NSUN6: variants seen among roughly 807,000 people sequenced by gnomAD.
NSUN6 encodes the protein NOP2/Sun RNA methyltransferase 6, also known as tRNA (cytosine(72)-C(5))-methyltransferase NSUN6.
NSUN6 carries 64 observed loss-of-function variants against 58.0 expected under a neutral mutation model. The observed-to-expected ratio is 1.10, with a 90% CI of 0.90 to 1.36. NSUN6 has a LOEUF of 1.36. NSUN6 is among the 40% of genes most tolerant of loss of function. The probability of loss-of-function intolerance (pLI) is 0.00; values close to 1 mark genes in which losing one functional copy is unlikely to be tolerated. For synonymous variants in NSUN6, 231 were observed against 193.9 expected (o/e 1.19, Z -1.59); for missense variants, 701 against 550.1 (o/e 1.27, Z -2.74).
Position 18,592,554 on chromosome 10 carries a change from A to G in NSUN6, c.777+3654T>C, listed in dbSNP as rs370068829. ...ATGTAACAGAACAGAGACCTCAGAA[A>G]TAACAACACACATCTACAACCATCA... On this transcript the variant is annotated intron_variant, in intron 7 of 10. Coordinates refer to ENST00000377304, the MANE Select transcript of NSUN6 (RefSeq NM_182543.5). Among the ~76,000 whole-genome samples, 17 of 152,326 alleles carry G rather than the reference A, an allele frequency of 1.1e-4. No individual in the cohort carries two copies. In the East Asian group the frequency reaches 2.1e-3, roughly 19 times the overall value.
chr10:18,564,536 T>C (rs2055779168), intron 8 of NSUN6, among the ~76,000 whole-genome samples: 1 of 150,894 alleles, frequency 6.6e-6, no homozygotes, highest in African/African-American at 2.4e-5. Context: ...CATTCCCCAT[T>C]CCATTGTCCA....
chr10:18,562,071 T>A (rs2055555675), intron 8 of NSUN6, among the ~76,000 whole-genome samples: 1 of 146,380 alleles, frequency 6.8e-6, no homozygotes, highest in African/African-American at 2.6e-5. Flanking sequence ...GAGCATGAAA[T>A]GGAATGAAGT....
chr10:18,610,541 T>C (rs1247217710), intron 5 of NSUN6, among the ~76,000 whole-genome samples: 1 of 152,192 alleles, frequency 6.6e-6, no homozygotes, highest in Non-Finnish European at 1.5e-5. Flanking sequence ...ACCTCATTCT[T>C]TACTACTTCC....
intron 1 of NSUN6, among the ~76,000 whole-genome samples, chr10:18,650,468 C>T (rs530441278): frequency 6.6e-6 from 1 of 152,308 alleles, no homozygotes; most frequent in South Asian, 2.1e-4. Flanking sequence ...TTTAACCATT[C>T]TCAATTTTTC....
intron 3 of NSUN6, among the ~76,000 whole-genome samples, chr10:18,624,675 G>A (rs915699049): frequency 7.7e-5 from 11 of 142,680 alleles, no homozygotes; most frequent in African/African-American, 1.8e-4. Flanking sequence ...GAACGAATGC[G>A]GAAGAAAAAG....
intron 8 of NSUN6, among the ~76,000 whole-genome samples, chr10:18,581,369 C>T (rs765519827): frequency 3.9e-5 from 6 of 152,078 alleles, no homozygotes; most frequent in East Asian, 1.9e-4. Context: ...ACAAAGATGG[C>T]GATGAAAGTG....
intron 8 of NSUN6, among the ~76,000 whole-genome samples, chr10:18,560,541 G>A (rs564203133): frequency 9.5e-4 from 142 of 150,090 alleles, no homozygotes; most frequent in African/African-American, 3.3e-3. Flanking sequence ...AATGGAATAC[G>A]GAATGGAATG....
At chr10:18,585,061 A>C (rs1423533428) in intron 8 of NSUN6, among the ~76,000 whole-genome samples, 1 of 152,140 alleles carries the variant, frequency 6.6e-6, no homozygotes, top group African/African-American at 2.4e-5. Flanking sequence ...TTTATGAAAG[A>C]ATGCCCAATA....
At chr10:18,556,474 T>C (rs1347396360) in intron 8 of NSUN6, among the ~76,000 whole-genome samples, 1 of 148,256 alleles carries the variant, frequency 6.7e-6, no homozygotes, top group Non-Finnish European at 1.5e-5. Context: ...GAGAATGGAA[T>C]GGAATGGAAT....
rs760772531 is a variant in NSUN6, at chr10:18,616,200, A to C, written c.405T>G (p.Ile135Met). 6.3e-7 allele frequency: 1 copy of C among 1,575,448 alleles called. No homozygotes were observed. Among genetic ancestry groups the C allele is most frequent in the Non-Finnish European group, 8.7e-7 (1 of 1,145,010 alleles). The stretch of plus-strand genomic sequence containing the variant: ...TATACTTACATTGTGATGCTGACAC[A>C]ATTCCTGGGGCATAGACATGGGCTC... The part of the protein sequence containing the change: ...LRGAHVYAPG[I>M]VSASQFMKAG... Residue 135 changes from isoleucine (I) to methionine (M), a missense_variant, in exon 4 of 11, where the codon ATT (isoleucine) becomes ATG (methionine). Coordinates refer to ENST00000377304, the MANE Select transcript of NSUN6 (RefSeq NM_182543.5).
intron 2 of NSUN6, among the ~76,000 whole-genome samples, chr10:18,645,798 T>C (rs1280259710): frequency 1.3e-5 from 2 of 152,194 alleles, no homozygotes; most frequent in African/African-American, 2.4e-5. Context: ...ATACCACCAA[T>C]GTTCCAAAGA....
chr10:18,581,752 G>T (rs2056913774), intron 8 of NSUN6, among the ~76,000 whole-genome samples: 1 of 151,852 alleles, frequency 6.6e-6, no homozygotes, highest in African/African-American at 2.4e-5. Flanking sequence ...CTTGAACCCG[G>T]GAGGCGGAGG....
intron 3 of NSUN6, among the ~76,000 whole-genome samples, chr10:18,637,761 T>A (rs979928435): frequency 1.3e-5 from 2 of 152,216 alleles, no homozygotes; most frequent in African/African-American, 4.8e-5. Flanking sequence ...AGCTAAATGA[T>A]AAAACATACT....
intron 6 of NSUN6, among the ~76,000 whole-genome samples, chr10:18,601,908 G>C (rs1041023195): frequency 1.3e-5 from 2 of 151,174 alleles, no homozygotes; most frequent in Non-Finnish European, 1.5e-5. Context: ...CGGAGGCAGA[G>C]ATTGCAGTAA....
intron 3 of NSUN6, among the ~76,000 whole-genome samples, chr10:18,619,388 T>C (rs2058521535): frequency 6.6e-6 from 1 of 152,234 alleles, no homozygotes; most frequent in African/African-American, 2.4e-5. Flanking sequence ...GACCTACTTT[T>C]AATTACTGCC....
At chr10:18,566,352 A>ATCCATTCCACTCCACATTCCATTCCATTC (rs2055942397) in intron 8 of NSUN6, among the ~76,000 whole-genome samples, 1 of 107,042 alleles carries the variant, frequency 9.3e-6, no homozygotes. Flanking sequence ...CCATTCCGCA[A>ATCCATTCCACTCCACATTCCATTCCATTC]TCCATTCCAC....
chr10:18,601,458 G>C (rs144904617), intron 6 of NSUN6, among the ~76,000 whole-genome samples: 127 of 152,202 alleles, frequency 8.3e-4, no homozygotes, highest in African/African-American at 2.8e-3. Context: ...GAGTGTTTCA[G>C]TGTATGTTCA....
chr10:18,623,891 C>A lies in NSUN6; in HGVS notation c.312-7598G>T, dbSNP rs541980515. On this transcript the variant is annotated intron_variant, in intron 3 of 10. Coordinates refer to ENST00000377304, the MANE Select transcript of NSUN6 (RefSeq NM_182543.5). Reference sequence around the variant, plus strand: ...CAGCAGAGAAGATTTGCAGTACTTCCCAGAAAACTTATCTGACTAGTCCCA... The same window carrying A: ...CAGCAGAGAAGATTTGCAGTACTTCACAGAAAACTTATCTGACTAGTCCCA... Among the ~76,000 whole-genome samples the A allele has an allele frequency of 3.3e-5, 5 of 152,206 alleles. No homozygotes were observed. In the South Asian group the frequency reaches 1.0e-3, roughly 32 times the overall value.
At chr10:18,623,090 C>A (rs1355493141) in intron 3 of NSUN6, among the ~76,000 whole-genome samples, 1 of 152,034 alleles carries the variant, frequency 6.6e-6, no homozygotes, top group Admixed American at 6.6e-5. Context: ...ATATATTTCA[C>A]CAGTACATGA....
Sources: gnomAD v4.1 joint callset for allele counts (sites outside exome capture counted in the v4.1 genomes callset) on GRCh38, gnomAD v4.1.1 for gene constraint, MANE v1.5 for transcripts, NCBI Gene and HGNC (gene_info 2026-07-23, HGNC 2026-07-21) for gene names.